The following AKAP6 variants were observed in gnomAD, a reference collection of about 807,000 sequenced individuals.
AKAP6 encodes the protein A-kinase anchoring protein 6.
A neutral mutation model predicts 188.5 loss-of-function variants in AKAP6; 58 were observed. That is an observed-to-expected ratio of 0.31 (90% confidence interval 0.25 to 0.38). The LOEUF (loss-of-function observed/expected upper bound fraction) is 0.38. AKAP6 is among the 10% of genes least tolerant of loss of function. The probability of loss-of-function intolerance (pLI) is 1.00; values close to 1 mark genes in which losing one functional copy is unlikely to be tolerated. For missense variants in AKAP6, 2,710 were observed against 2,740.0 expected, an observed-to-expected ratio of 0.99 and a Z score of 0.24; for synonymous variants, 989 against 998.6, an observed-to-expected ratio of 0.99 and a Z score of 0.18.
chr14:32,821,823 C>T lies in AKAP6; in HGVS notation c.4010C>T (p.Pro1337Leu), dbSNP rs1300142530. Residue 1337 changes from proline to leucine, a missense_variant, in exon 13 of 14, where the codon CCA (proline) becomes CTA (leucine). Around this residue, in one of 2 missense-constraint regions of AKAP6, gnomAD observed 2,473 missense variants for 2,426.1 expected, o/e 1.02. Coordinates refer to ENST00000280979, the MANE Select transcript of AKAP6 (RefSeq NM_004274.5). ...TCATTTTCATCTACCAAATCTTTGC[C>T]AGATCTTCTAGGTGGTTCCAATTTG... Reference protein sequence around the residue: ...DSSFSSTKSLPDLLGGSNLVK... With the variant: ...DSSFSSTKSLLDLLGGSNLVK... The T allele has an allele frequency of 1.2e-6, 2 of 1,613,730 alleles. No individual in the cohort carries two copies. Among genetic ancestry groups the T allele is most frequent in the Non-Finnish European group, 1.7e-6 (2 of 1,179,954 alleles).
chr14:32,514,231 T>A (rs181700149), intron 2 of AKAP6, among the ~76,000 whole-genome samples: 1 of 152,358 alleles, frequency 6.6e-6, no homozygotes, highest in Admixed American at 6.5e-5. Context: ...ACTTTGATCC[T>A]ATGAGGCTTC....
intron 1 of AKAP6, among the ~76,000 whole-genome samples, chr14:32,347,198 G>A (rs962493019): frequency 6.6e-6 from 1 of 152,232 alleles, no homozygotes; most frequent in African/African-American, 2.4e-5. Flanking sequence ...GGACAGATTA[G>A]GGATTAAGTC....
At chr14:32,820,341 G>C (rs1039996487) in intron 12 of AKAP6, among the ~76,000 whole-genome samples, 3 of 152,090 alleles carry the variant, frequency 2.0e-5, no homozygotes, top group African/African-American at 7.2e-5. Context: ...TGGAGAGCAA[G>C]TAAGGACAGT....
chr14:32,735,913 A>G (rs761073423), intron 11 of AKAP6, 31 bp downstream of exon 11: 25 of 1,517,828 alleles, frequency 1.6e-5, no homozygotes, highest in Non-Finnish European at 2.2e-5. Context: ...GTTGATAAAA[A>G]GCTCTTTTTA....
chr14:32,481,451 G>A (rs1879337342), intron 2 of AKAP6, among the ~76,000 whole-genome samples: 1 of 152,118 alleles, frequency 6.6e-6, no homozygotes, highest in Non-Finnish European at 1.5e-5. Flanking sequence ...AGGTTTAATG[G>A]ACTCACGGTT....
chr14:32,523,478 T>C (rs544925870), intron 2 of AKAP6, among the ~76,000 whole-genome samples: 5 of 151,956 alleles, frequency 3.3e-5, no homozygotes, highest in Admixed American at 3.3e-4. Context: ...CTCTCTTTTT[T>C]TTTTTTTTGA....
intron 2 of AKAP6, among the ~76,000 whole-genome samples, chr14:32,511,495 CCT>C (rs1415191154): frequency 6.6e-6 from 1 of 151,916 alleles, no homozygotes; most frequent in Non-Finnish European, 1.5e-5. Context: ...CCTGCCTCAG[CCT>C]CCAAAGTAGC....
intron 7 of AKAP6, among the ~76,000 whole-genome samples, chr14:32,644,339 C>T (rs1887891513): frequency 6.6e-6 from 1 of 151,974 alleles, no homozygotes; most frequent in Admixed American, 6.6e-5. Flanking sequence ...AAGGTCATTG[C>T]TCTCTCTCTC....
At chr14:32,691,383 C>T (rs1234664326) in intron 8 of AKAP6, among the ~76,000 whole-genome samples, 2 of 152,130 alleles carry the variant, frequency 1.3e-5, no homozygotes, top group Non-Finnish European at 1.5e-5. Context: ...TTTCCTGGAG[C>T]ACATTGTCTT....
At chr14:32,544,721 A>G (rs565076562) in intron 3 of AKAP6, among the ~76,000 whole-genome samples, 1 of 152,310 alleles carries the variant, frequency 6.6e-6, no homozygotes, top group East Asian at 1.9e-4. Context: ...TGATTCATCA[A>G]TATATGTTTA....
chr14:32,493,977 G>A (rs1880174230), intron 2 of AKAP6, among the ~76,000 whole-genome samples: 1 of 151,236 alleles, frequency 6.6e-6, no homozygotes, highest in Non-Finnish European at 1.5e-5. Context: ...TCTAGAGGAG[G>A]TGGCCATTGA....
At chr14:32,820,040 A>G (rs2034480173) in intron 12 of AKAP6, among the ~76,000 whole-genome samples, 2 of 152,248 alleles carry the variant, frequency 1.3e-5, no homozygotes, top group East Asian at 1.9e-4. Context: ...AATACTCAGA[A>G]TGATCTTGAA....
chr14:32,724,636 C>G (rs1461679212), intron 9 of AKAP6, among the ~76,000 whole-genome samples: 1 of 152,154 alleles, frequency 6.6e-6, no homozygotes, highest in South Asian at 2.1e-4. Flanking sequence ...TTAGCCAGTT[C>G]TTGGCTAAGG....
intron 5 of AKAP6, among the ~76,000 whole-genome samples, chr14:32,589,357 A>G (rs2139312526): frequency 6.6e-6 from 1 of 152,302 alleles, no homozygotes; most frequent in South Asian, 2.1e-4. Context: ...TGGACTTGGA[A>G]TACCACTCAA....
At chr14:32,734,533 A>C (rs922964581) in intron 10 of AKAP6, 5 of 152,126 alleles carry the variant, frequency 3.3e-5, no homozygotes, top group African/African-American at 1.2e-4. Flanking sequence ...CATTCTCTGA[A>C]GTATTCTGTT....
intron 1 of AKAP6, among the ~76,000 whole-genome samples, chr14:32,345,800 A>G (rs1244967113): frequency 6.6e-6 from 1 of 152,242 alleles, no homozygotes; most frequent in Middle Eastern, 3.4e-3. Flanking sequence ...AAGAATCTGT[A>G]TGTCATTTGA....
chr14:32,534,838 G>A (rs1037132228), intron 2 of AKAP6, among the ~76,000 whole-genome samples: 6 of 151,780 alleles, frequency 4.0e-5, no homozygotes, highest in African/African-American at 1.2e-4. Flanking sequence ...TGTGGCAGCC[G>A]CCTGTAATCT....
chr14:32,509,477 G>T (rs1206412928), intron 2 of AKAP6, among the ~76,000 whole-genome samples: 2 of 151,838 alleles, frequency 1.3e-5, no homozygotes, highest in African/African-American at 4.8e-5. Flanking sequence ...TTAGTTTTTT[G>T]TCTTATCTTT....
At chr14:32,782,850 T>C (rs1167706563) in intron 12 of AKAP6, among the ~76,000 whole-genome samples, 6 of 151,894 alleles carry the variant, frequency 4.0e-5, no homozygotes, top group Non-Finnish European at 8.8e-5. Flanking sequence ...ATAGAATTAA[T>C]GTAATCCCAA....
Sources: gnomAD v4.1 joint callset for allele counts (sites outside exome capture counted in the v4.1 genomes callset) on GRCh38, gnomAD v4.1.1 for gene constraint, gnomAD v4.1.1 regional missense constraint, MANE v1.5 for transcripts, NCBI Gene and HGNC (gene_info 2026-07-23, HGNC 2026-07-21) for gene names.